The following UIMC1 variants were observed in gnomAD, a reference collection of about 807,000 sequenced individuals.
UIMC1 encodes the protein BRCA1-A complex subunit RAP80.
In UIMC1, 42 loss-of-function variants were observed where a neutral mutation model predicts 84.9. That is an observed-to-expected ratio of 0.49 (90% CI 0.39 to 0.64). The LOEUF is 0.64. UIMC1 is among the 30% of genes least tolerant of loss of function. UIMC1 has a pLI of 0.00. For missense variants in UIMC1, 825 were observed against 847.6 expected (o/e 0.97, Z 0.33); for synonymous variants, 281 against 293.0 (o/e 0.96, Z 0.42).
chr5:177,003,640 G>A (rs1336899222), intron 1 of UIMC1, among the ~76,000 whole-genome samples: 1 of 151,888 alleles, frequency 6.6e-6, no homozygotes, highest in Non-Finnish European at 1.5e-5. Flanking sequence ...GCGACAGAAT[G>A]AGACTCTGTC....
At chr5:176,937,939 C>G (rs1323360233) in intron 10 of UIMC1, among the ~76,000 whole-genome samples, 1 of 151,992 alleles carries the variant, frequency 6.6e-6, no homozygotes, top group Non-Finnish European at 1.5e-5. Flanking sequence ...GCCTATAATC[C>G]CAGCACTTTG....
chr5:176,955,191 T>A (rs1666706753), intron 8 of UIMC1, among the ~76,000 whole-genome samples: 1 of 152,202 alleles, frequency 6.6e-6, no homozygotes, highest in African/African-American at 2.4e-5. Context: ...GTATCTTAGT[T>A]CATTTTACAT....
chr5:176,982,661 A>C (rs748503351), intron 1 of UIMC1, 38 bp from the exon 2 acceptor site: 1 of 1,572,468 alleles, frequency 6.4e-7, no homozygotes, highest in East Asian at 2.3e-5. Context: ...TAGAATAAAA[A>C]GATCATAATT....
At chr5:176,985,939 G>A (rs143246626) in intron 1 of UIMC1, among the ~76,000 whole-genome samples, 10 of 152,148 alleles carry the variant, frequency 6.6e-5, no homozygotes, top group East Asian at 1.9e-4. Flanking sequence ...TTCTCCTTTC[G>A]ACAAGGAGCA....
At chr5:177,008,802 G>A (rs548012386), upstream of UIMC1, among the ~76,000 whole-genome samples, 1 of 152,134 alleles carries the variant, frequency 6.6e-6, no homozygotes, top group East Asian at 1.9e-4. Context: ...TCCAAGAGTG[G>A]GTGATAAAAA....
At chr5:176,917,907 C>T (rs942869476) in intron 10 of UIMC1, among the ~76,000 whole-genome samples, 5 of 152,098 alleles carry the variant, frequency 3.3e-5, no homozygotes, top group Admixed American at 1.3e-4. Context: ...AGTAGTAAGC[C>T]GAGATCATGT....
At chr5:177,007,936 C>A (rs1775435859), upstream of UIMC1, among the ~76,000 whole-genome samples, 2 of 151,556 alleles carry the variant, frequency 1.3e-5, no homozygotes, top group South Asian at 4.2e-4. Flanking sequence ...GAAACCCCAT[C>A]TCCACTAAAA....
intron 1 of UIMC1, chr5:177,006,409 A>C (rs970998123): frequency 6.6e-6 from 1 of 151,732 alleles, no homozygotes; most frequent in African/African-American, 2.4e-5. Flanking sequence ...TCCCGAGCCC[A>C]CTTCGGCGTC....
At position 176,981,618 on chromosome 5, in the gene UIMC1, C is replaced by T. The variant is rs551264436; in HGVS notation, c.147+851G>A. Among the ~76,000 whole-genome samples, 9 of 151,638 alleles carry T rather than the reference C, an allele frequency of 5.9e-5. No homozygotes were observed. The East Asian group carries it at 1.4e-3, about 23-fold the overall frequency. Reference sequence around the variant, plus strand: ...TTTGATACCATCCTGGGCAACATGGCGAAACCCCATCTCTACAAAAAAAAA... The same window carrying T: ...TTTGATACCATCCTGGGCAACATGGTGAAACCCCATCTCTACAAAAAAAAA... On this transcript the variant is annotated intron_variant, in intron 2 of 14. Coordinates refer to ENST00000511320, the MANE Select transcript of UIMC1 (RefSeq NM_001199298.2).
At chr5:177,002,100 G>GC (rs148405211) in intron 1 of UIMC1, 1 of 146,722 alleles carries the variant, frequency 6.8e-6, no homozygotes, top group African/African-American at 2.5e-5. Context: ...TCCAGCCTGA[G>GC]CAACAGTAAG....
At chr5:176,997,526 T>C (rs971611078) in intron 1 of UIMC1, among the ~76,000 whole-genome samples, 1 of 151,760 alleles carries the variant, frequency 6.6e-6, no homozygotes, top group African/African-American at 2.4e-5. Flanking sequence ...CTACTAAAAT[T>C]ACAAAAAAAT....
intron 10 of UIMC1, among the ~76,000 whole-genome samples, chr5:176,929,276 T>C (rs1050496121): frequency 6.8e-6 from 1 of 147,416 alleles, no homozygotes; most frequent in Non-Finnish European, 1.5e-5. Context: ...AAATTTATCA[T>C]TAATTGGCTG....
intron 10 of UIMC1, among the ~76,000 whole-genome samples, chr5:176,917,475 G>T (rs1260748398): frequency 6.6e-6 from 1 of 152,184 alleles, no homozygotes; most frequent in Non-Finnish European, 1.5e-5. Context: ...GGGAGGTTAA[G>T]GCAGGAGAAC....
intron 2 of UIMC1, among the ~76,000 whole-genome samples, chr5:176,979,239 C>A (rs543001413): frequency 6.6e-6 from 1 of 152,120 alleles, no homozygotes; most frequent in Non-Finnish European, 1.5e-5. Context: ...TCAAAATATA[C>A]GTATGCTGTT....
In UIMC1 at chr5:176,969,512, G is replaced by A. The variant is rs574582617; in HGVS notation, c.463+89C>T. 4.4e-6 allele frequency: 6 copies of A among 1,378,338 alleles called. No individual in the cohort carries two copies. The Admixed American group carries it at 6.3e-5, about 15-fold the overall frequency. 85.4% of individuals were successfully genotyped at this position (1,378,338 alleles called of 1,614,324 possible). On this transcript the variant is annotated intron_variant, in intron 5 of 14. Coordinates refer to ENST00000511320, the MANE Select transcript of UIMC1 (RefSeq NM_001199298.2). ...TCTTTATTATCACCAAAAGGATCTG[G>A]GGTATTTCCGTGTATCTACTCTCAG...
intron 1 of UIMC1, among the ~76,000 whole-genome samples, chr5:177,019,585 T>C (rs182316123): frequency 6.7e-6 from 1 of 148,434 alleles, no homozygotes; most frequent in African/African-American, 2.5e-5. Flanking sequence ...AAGGTTACAG[T>C]GAGCTATGAT....
chr5:176,998,753 G>C (rs1774011934), intron 1 of UIMC1, among the ~76,000 whole-genome samples: 1 of 151,860 alleles, frequency 6.6e-6, no homozygotes, highest in Non-Finnish European at 1.5e-5. Context: ...GGCAATAAGA[G>C]CAAAACTCCG....
intron 14 of UIMC1, 53 bp downstream of exon 14, chr5:176,905,958 C>A: frequency 6.2e-7 from 1 of 1,602,832 alleles, no homozygotes; most frequent in Non-Finnish European, 8.5e-7. Context: ...AGGACAAGGC[C>A]TGCACTTTTC....
At chr5:177,017,193 A>G (rs1451139118) in intron 1 of UIMC1, among the ~76,000 whole-genome samples, 2 of 152,166 alleles carry the variant, frequency 1.3e-5, no homozygotes, top group African/African-American at 4.8e-5. Flanking sequence ...TCAGATTCTG[A>G]TTCAAACAAC....
Sources: allele counts gnomAD v4.1 joint callset (sites outside exome capture counted in the v4.1 genomes callset), GRCh38; gene constraint gnomAD v4.1.1; transcripts MANE v1.5; gene names NCBI Gene and HGNC (gene_info 2026-07-23, HGNC 2026-07-21).